CCDC148: variants seen among roughly 807,000 people sequenced by gnomAD.
The protein encoded by CCDC148 is coiled-coil domain containing 148, also known as coiled-coil domain-containing protein 148.
A neutral mutation model predicts 85.7 loss-of-function variants in CCDC148; 89 were observed. That is an observed-to-expected ratio of 1.04 (90% CI 0.87 to 1.24). The LOEUF is 1.24. Ranked by LOEUF, CCDC148 falls within the 50% of genes most tolerant of loss-of-function variation. CCDC148 has a pLI of 0.00. For missense variants in CCDC148, 692 were observed against 671.7 expected (o/e 1.03, Z -0.33); for synonymous variants, 230 against 213.9 (o/e 1.08, Z -0.66).
chr2:158,245,397 G>T (rs181517849), intron 10 of CCDC148, among the ~76,000 whole-genome samples: 42 of 152,276 alleles, frequency 2.8e-4, no homozygotes, highest in South Asian at 8.3e-4. Flanking sequence ...GATCTCTAAG[G>T]TAAGGCTGAA....
intron 1 of CCDC148, among the ~76,000 whole-genome samples, chr2:158,360,664 C>A (rs1195026269): frequency 6.6e-6 from 1 of 152,100 alleles, no homozygotes; most frequent in Non-Finnish European, 1.5e-5. Context: ...GAAACCCCAG[C>A]CGAAGCTTAC....
chr2:158,324,292 C>T (rs988714946), intron 7 of CCDC148, among the ~76,000 whole-genome samples: 12 of 151,838 alleles, frequency 7.9e-5, no homozygotes, highest in Non-Finnish European at 1.5e-4. Flanking sequence ...ATAGATGTAA[C>T]GCTTTCAGAA....
At chr2:158,175,044 A>G (rs6437143) in intron 13 of CCDC148, among the ~76,000 whole-genome samples, 148,624 of 152,082 alleles carry the variant, frequency 0.98, 72,720 homozygotes, top group East Asian at 1. Context: ...TGAACCTAAC[A>G]CATGTTTCCA....
At chr2:158,408,429 A>C (rs1350092300) in intron 1 of CCDC148, among the ~76,000 whole-genome samples, 1 of 152,076 alleles carries the variant, frequency 6.6e-6, no homozygotes, top group East Asian at 1.9e-4. Flanking sequence ...TCTACATTCT[A>C]ATTCTATGAG....
At chr2:158,314,452 GAAAAGATAAC>G (rs1692186433) in intron 7 of CCDC148, among the ~76,000 whole-genome samples, 1 of 152,162 alleles carries the variant, frequency 6.6e-6, no homozygotes, top group African/African-American at 2.4e-5. Context: ...TATTGATAGT[GAAAAGATAAC>G]CAACGGCATT....
At chr2:158,275,283 T>A (rs1291756639) in intron 9 of CCDC148, among the ~76,000 whole-genome samples, 1 of 152,218 alleles carries the variant, frequency 6.6e-6, no homozygotes, top group Non-Finnish European at 1.5e-5. Flanking sequence ...TTCAGGATAA[T>A]AATTTGTCCT....
intron 1 of CCDC148, among the ~76,000 whole-genome samples, chr2:158,359,957 A>C (rs765266043): frequency 9.2e-5 from 14 of 152,164 alleles, no homozygotes; most frequent in Non-Finnish European, 1.9e-4. Context: ...CAGCAGTCTG[A>C]AGTTGACCAG....
intron 1 of CCDC148, among the ~76,000 whole-genome samples, chr2:158,449,236 T>C (rs1688291973): frequency 6.6e-6 from 1 of 152,226 alleles, no homozygotes; most frequent in Middle Eastern, 3.2e-3. Context: ...ATTCATTTAT[T>C]AGGTCCTAGT....
intron 9 of CCDC148, among the ~76,000 whole-genome samples, chr2:158,292,328 G>A (rs1008208516): frequency 4.6e-5 from 7 of 152,076 alleles, no homozygotes; most frequent in African/African-American, 9.7e-5. Flanking sequence ...AGCAGGCACC[G>A]GGTTCAGAGA....
chr2:158,317,337 T>C (rs1052521241), intron 7 of CCDC148, among the ~76,000 whole-genome samples: 1 of 152,206 alleles, frequency 6.6e-6, no homozygotes, highest in African/African-American at 2.4e-5. Context: ...TTTTACAATT[T>C]GTAAGTTTAT....
chr2:158,200,169 C>A (rs561705689), intron 11 of CCDC148, among the ~76,000 whole-genome samples: 1 of 152,240 alleles, frequency 6.6e-6, no homozygotes, highest in South Asian at 2.1e-4. Flanking sequence ...TAGGTTCATG[C>A]CCTGAAATTG....
chr2:158,397,770 C>A (rs56039467), intron 1 of CCDC148, among the ~76,000 whole-genome samples: 22,727 of 152,066 alleles, frequency 0.15, 2,214 homozygotes, highest in Non-Finnish European at 0.21. Context: ...ATCAAATTCA[C>A]ACATAACAAT....
intron 9 of CCDC148, among the ~76,000 whole-genome samples, chr2:158,305,959 A>G (rs1691664783): frequency 6.6e-6 from 1 of 152,134 alleles, no homozygotes; most frequent in South Asian, 2.1e-4. Flanking sequence ...TACAAACAAC[A>G]TGGGTGAATC....
In CCDC148 at chr2:158,340,256, T is replaced by C. The variant is rs1282587307; in HGVS notation, c.472A>G (p.Lys158Glu). The C allele has an allele frequency of 3.7e-6, 6 of 1,613,850 alleles. No individual in the cohort carries two copies. The South Asian group carries it at 4.4e-5, about 12-fold the overall frequency. ...SHPHIEFNSM[K>E]VLEEVDFVKK... The stretch of plus-strand genomic sequence containing the variant: ...AACATACTAACCTCTTCCAATACTT[T>C]CATGGAGTTAAACTCAATATGTGGG... Residue 158 changes from lysine to glutamate, a missense_variant, in exon 5 of 14, where the codon AAA becomes GAA. Coordinates refer to ENST00000283233, the MANE Select transcript of CCDC148 (RefSeq NM_138803.4).
At chr2:158,247,822 C>G (rs1330399039) in intron 10 of CCDC148, among the ~76,000 whole-genome samples, 1 of 152,168 alleles carries the variant, frequency 6.6e-6, no homozygotes, top group African/African-American at 2.4e-5. Flanking sequence ...CGCCATTGCA[C>G]TCCAGCCTGG....
At chr2:158,438,709 T>A (rs1687786598) in intron 1 of CCDC148, among the ~76,000 whole-genome samples, 1 of 151,770 alleles carries the variant, frequency 6.6e-6, no homozygotes, top group Non-Finnish European at 1.5e-5. Context: ...TGGGAGAAAA[T>A]TTTTGCAATC....
chr2:158,342,956 C>T (rs567955699), intron 3 of CCDC148, among the ~76,000 whole-genome samples: 5 of 152,238 alleles, frequency 3.3e-5, no homozygotes, highest in African/African-American at 1.2e-4. Flanking sequence ...AAAATTTTGT[C>T]TAGTTTTCTT....
In CCDC148 at chr2:158,441,962, C is replaced by A. The variant is rs80216532; in HGVS notation, c.25+14453G>T. On this transcript the variant is annotated intron_variant, in intron 1 of 13. Coordinates refer to ENST00000283233, the MANE Select transcript of CCDC148 (RefSeq NM_138803.4). ...ATTTGGCATAATGGTACTTCTTAATCAAAATGGATAAATACCCTCTTATTT... is the reference window on the plus strand; with the variant it reads ...ATTTGGCATAATGGTACTTCTTAATAAAAATGGATAAATACCCTCTTATTT... 7.9e-3 allele frequency among the ~76,000 whole-genome samples: 1,205 copies of A among 152,192 alleles called. 14 individuals carry two copies. The highest frequency in any genetic ancestry group is 0.027 in the African/African-American group (1,129 of 41,528).
intron 1 of CCDC148, among the ~76,000 whole-genome samples, chr2:158,378,788 A>ATGATTAAC (rs1338810875): frequency 1.6e-4 from 25 of 152,108 alleles, no homozygotes; most frequent in African/African-American, 6.0e-4. Context: ...TGTTTACACC[A>ATGATTAAC]TGATTAACTG....
Sources: gnomAD v4.1 joint callset for allele counts (sites outside exome capture counted in the v4.1 genomes callset) on GRCh38, gnomAD v4.1.1 for gene constraint, MANE v1.5 for transcripts, NCBI Gene and HGNC (gene_info 2026-07-23, HGNC 2026-07-21) for gene names.